The following GRAMD4 variants were observed in gnomAD, a reference collection of about 807,000 sequenced individuals.
GRAMD4 encodes the protein GRAM domain containing 4, also known as GRAM domain-containing protein 4.
GRAMD4 carries 25 observed loss-of-function variants against 83.9 expected under a neutral mutation model. That is an observed-to-expected ratio of 0.30 (90% confidence interval 0.22 to 0.42). The LOEUF is 0.42. Among genes scored for constraint, GRAMD4 ranks in the 10% least tolerant of loss-of-function variants. The pLI is 1.00. For synonymous variants in GRAMD4, 336 were observed against 320.9 expected, an observed-to-expected ratio of 1.05 and a Z score of -0.50; for missense variants, 593 against 788.7, an observed-to-expected ratio of 0.75 and a Z score of 2.97.
intron 3 of GRAMD4, among the ~76,000 whole-genome samples, chr22:46,657,809 G>A (rs2082266442): frequency 6.6e-6 from 1 of 152,250 alleles, no homozygotes; most frequent in African/African-American, 2.4e-5. Context: ...GGTGTGGTGG[G>A]CTGGCCAGGT....
chr22:46,667,147 G>A (rs942168512), intron 10 of GRAMD4, among the ~76,000 whole-genome samples: 1 of 152,238 alleles, frequency 6.6e-6, no homozygotes, highest in South Asian at 2.1e-4. Flanking sequence ...GCTAGGATGT[G>A]GTATGGCAGG....
chr22:46,624,745 A>G (rs537436077), intron 1 of GRAMD4, among the ~76,000 whole-genome samples: 23 of 152,206 alleles, frequency 1.5e-4, no homozygotes, highest in Non-Finnish European at 2.4e-4. Context: ...CCCTCAGCCT[A>G]TGAGCAGCAG....
At chr22:46,592,085 G>A (rs1054314111) in intron 1 of GRAMD4, among the ~76,000 whole-genome samples, 10 of 152,026 alleles carry the variant, frequency 6.6e-5, no homozygotes, top group African/African-American at 9.7e-5. Context: ...TTGATGTCAC[G>A]GGAGTCGAGA....
chr22:46,639,248 G>A (rs544813251), intron 3 of GRAMD4, among the ~76,000 whole-genome samples: 4 of 149,978 alleles, frequency 2.7e-5, no homozygotes, highest in African/African-American at 9.9e-5. Context: ...GTAGTTAACC[G>A]TGTGTATGTA....
chr22:46,598,494 C>T (rs543806549), intron 1 of GRAMD4, among the ~76,000 whole-genome samples: 6 of 152,098 alleles, frequency 3.9e-5, no homozygotes, highest in Admixed American at 1.3e-4. Flanking sequence ...CTGGCCTGAA[C>T]GCCTCTAAGT....
intron 2 of GRAMD4, among the ~76,000 whole-genome samples, chr22:46,637,075 C>T (rs2081900697): frequency 6.6e-6 from 1 of 152,186 alleles, no homozygotes; most frequent in Admixed American, 6.5e-5. Context: ...GCCAGTCTCT[C>T]CGATCTACTC....
intron 2 of GRAMD4, among the ~76,000 whole-genome samples, chr22:46,634,746 G>A (rs2081832982): frequency 6.6e-6 from 1 of 152,198 alleles, no homozygotes; most frequent in Non-Finnish European, 1.5e-5. Context: ...TTCAAGACCA[G>A]CCTGGGCAAC....
chr22:46,675,130 A>C (rs1307855118), intron 16 of GRAMD4, among the ~76,000 whole-genome samples: 1 of 152,026 alleles, frequency 6.6e-6, no homozygotes, highest in African/African-American at 2.4e-5. Flanking sequence ...TCTCACTCAG[A>C]GCAGTGGCTG....
rs578193728 is a variant in GRAMD4, at chr22:46,676,900, G to C, written c.1632+232G>C. Among the ~76,000 whole-genome samples the C allele has an allele frequency of 2.0e-5, 3 of 152,344 alleles. No individual in the cohort carries two copies. The East Asian group carries it at 5.8e-4, about 29-fold the overall frequency. ...ACAGACAGGGATGTTGGGCACAGGGGTCCCCTGACTCAGTGACTTGGGAGG... is the reference window on the plus strand; with the variant it reads ...ACAGACAGGGATGTTGGGCACAGGGCTCCCCTGACTCAGTGACTTGGGAGG... On this transcript the variant is annotated intron_variant, in intron 18 of 18. Coordinates refer to ENST00000406902, the MANE Select transcript of GRAMD4 (RefSeq NM_015124.5).
chr22:46,666,792 G>C (rs750433398), intron 9 of GRAMD4, 33 bp from the exon 10 acceptor site: 4 of 1,596,704 alleles, frequency 2.5e-6, no homozygotes, highest in Non-Finnish European at 3.4e-6. Context: ...AGGTGGCGCT[G>C]TCCTAAAGGT....
intron 3 of GRAMD4, among the ~76,000 whole-genome samples, chr22:46,643,777 A>C (rs1187878441): frequency 1.3e-5 from 2 of 152,234 alleles, no homozygotes; most frequent in African/African-American, 4.8e-5. Context: ...TCCGGGTGCC[A>C]CAGACATGAT....
intron 3 of GRAMD4, among the ~76,000 whole-genome samples, chr22:46,641,235 G>T (rs1198975539): frequency 6.6e-6 from 1 of 152,086 alleles, no homozygotes; most frequent in Non-Finnish European, 1.5e-5. Context: ...TCCATGCCTG[G>T]GTAATTTTTG....
At chr22:46,658,785 C>G (rs2082283519) in intron 4 of GRAMD4, among the ~76,000 whole-genome samples, 2 of 150,920 alleles carry the variant, frequency 1.3e-5, no homozygotes, top group Admixed American at 1.3e-4. Flanking sequence ...CCCTGTCTGC[C>G]CCAGCCACGC....
At chr22:46,676,557 C>A (rs761737450) in intron 17 of GRAMD4, 43 bp from the exon 18 acceptor site, 98 of 1,527,160 alleles carry the variant, frequency 6.4e-5, no homozygotes, top group Non-Finnish European at 8.0e-5. Flanking sequence ...GCCTCCCTGT[C>A]CCCAGGAGAG....
At chr22:46,588,465 T>C (rs767706742) in intron 1 of GRAMD4, among the ~76,000 whole-genome samples, 36 of 152,170 alleles carry the variant, frequency 2.4e-4, no homozygotes, top group Non-Finnish European at 4.4e-4. Context: ...GCTGTTCATA[T>C]TGGTATCTGC....
At chr22:46,602,904 G>A (rs1601542048) in intron 1 of GRAMD4, among the ~76,000 whole-genome samples, 1 of 151,690 alleles carries the variant, frequency 6.6e-6, no homozygotes, top group East Asian at 2.0e-4. Context: ...CACCACGCCT[G>A]GCTACTTTTT....
At chr22:46,601,595 G>A (rs1223137765) in intron 1 of GRAMD4, among the ~76,000 whole-genome samples, 2 of 151,958 alleles carry the variant, frequency 1.3e-5, no homozygotes, top group East Asian at 1.9e-4. Flanking sequence ...TCAGGAGTTC[G>A]AGACCAGTCT....
chr22:46,590,286 T>C (rs144096293), intron 1 of GRAMD4, among the ~76,000 whole-genome samples: 88 of 152,014 alleles, frequency 5.8e-4, no homozygotes, highest in Non-Finnish European at 7.7e-4. Flanking sequence ...TGATTCCTCT[T>C]GGTGGGAGGC....
At chr22:46,611,996 CAAAAAAAAAAAA>C (rs61392000) in intron 1 of GRAMD4, among the ~76,000 whole-genome samples, 1 of 50,158 alleles carries the variant, frequency 2.0e-5, no homozygotes, top group South Asian at 1.3e-3. Flanking sequence ...GACTCCATCT[CAAAAAAAAAAAA>C]AAAAAAAAAA....
Sources: gnomAD v4.1 joint callset for allele counts (sites outside exome capture counted in the v4.1 genomes callset) on GRCh38, gnomAD v4.1.1 for gene constraint, MANE v1.5 for transcripts, NCBI Gene and HGNC (gene_info 2026-07-23, HGNC 2026-07-21) for gene names.